Variants in FAM83A observed in about 807,000 individuals in gnomAD.
The protein encoded by FAM83A is scaffolding CK1 anchoring protein A.
FAM83A carries 21 observed loss-of-function variants against 24.4 expected under a neutral mutation model. That is an observed-to-expected ratio of 0.86 (90% CI 0.61 to 1.24). The LOEUF (loss-of-function observed/expected upper bound fraction) is 1.24, where lower values mean the gene tolerates loss of function less well. FAM83A is among the 50% of genes most tolerant of loss of function. The pLI is 0.00. For synonymous variants in FAM83A, 270 were observed against 252.4 expected (o/e 1.07, Z -0.66); for missense variants, 617 against 579.8 (o/e 1.06, Z -0.66).
At chr8:123,194,057 T>C (rs745743547) in exon 3 of FAM83A, 14 of 1,614,098 alleles carry the variant, frequency 8.7e-6, no homozygotes, top group Non-Finnish European at 1.1e-5. Context: ...AGGAGAGATA[T>C]ACTGTGCCAA....
chr8:123,198,461 C>T (rs118064871), intron 3 of FAM83A, among the ~76,000 whole-genome samples: 610 of 152,222 alleles, frequency 4.0e-3, no homozygotes, highest in Non-Finnish European at 6.2e-3. Flanking sequence ...CTTAAGCGAC[C>T]GGGAGGGATT....
At chr8:123,193,709 C>T (rs535761597) in intron 2 of FAM83A, among the ~76,000 whole-genome samples, 65 of 152,310 alleles carry the variant, frequency 4.3e-4, no homozygotes, top group Non-Finnish European at 7.4e-4. Flanking sequence ...CCAAGATCAA[C>T]GTTCTGGCAG....
intron 1 of FAM83A, among the ~76,000 whole-genome samples, chr8:123,187,000 C>G (rs926244892): frequency 1.3e-5 from 2 of 152,056 alleles, no homozygotes; most frequent in Non-Finnish European, 2.9e-5. Context: ...GGGCAACCCT[C>G]GGTGCCTGGA....
At chr8:123,182,330 A>T (rs943664315), upstream of FAM83A, 2 of 354,954 alleles carry the variant, frequency 5.6e-6, no homozygotes, top group Non-Finnish European at 1.1e-5. Context: ...CATCTCAGGG[A>T]TGGCATCTTT....
At chr8:123,181,840 C>G, upstream of FAM83A, 1 of 345,626 alleles carries the variant, frequency 2.9e-6, no homozygotes, top group Non-Finnish European at 5.8e-6. Flanking sequence ...GAATGATCTT[C>G]CGACCAACCA....
intron 3 of FAM83A, among the ~76,000 whole-genome samples, chr8:123,203,221 TAA>T (rs34707090): frequency 6.9e-6 from 1 of 144,308 alleles, no homozygotes. Flanking sequence ...ATACACACAT[TAA>T]AAAAAAAAAA....
chr8:123,194,827 C>T (rs1242509068), intron 3 of FAM83A, among the ~76,000 whole-genome samples: 1 of 152,154 alleles, frequency 6.6e-6, no homozygotes, highest in African/African-American at 2.4e-5. Flanking sequence ...AGCAACCCAC[C>T]AGCCTCAGCC....
At chr8:123,198,315 G>C (rs928985705) in intron 3 of FAM83A, among the ~76,000 whole-genome samples, 2 of 152,116 alleles carry the variant, frequency 1.3e-5, no homozygotes, top group Non-Finnish European at 2.9e-5. Context: ...CATTGCACAC[G>C]ACCATGGGGC....
At chr8:123,204,171 G>A (rs1285636552) in intron 3 of FAM83A, among the ~76,000 whole-genome samples, 3 of 151,890 alleles carry the variant, frequency 2.0e-5, no homozygotes, top group Non-Finnish European at 4.4e-5. Context: ...TCAGCACTTC[G>A]GGAGGCCAAG....
chr8:123,208,209 C>T, exon 4 of FAM83A: 1 of 986,510 alleles, frequency 1.0e-6, no homozygotes, highest in Non-Finnish European at 1.2e-6. Context: ...AACTCCTCCT[C>T]TTAGGAAAGG....
intron 3 of FAM83A, among the ~76,000 whole-genome samples, chr8:123,197,475 G>A (rs1334792826): frequency 2.6e-5 from 4 of 152,162 alleles, no homozygotes; most frequent in East Asian, 1.9e-4. Context: ...AGGCTCATCC[G>A]AGCTGTAGCG....
exon 4 of FAM83A, chr8:123,208,977 A>AG (rs1824649762): frequency 1.0e-6 from 1 of 985,870 alleles, no homozygotes; most frequent in African/African-American, 1.8e-5. Context: ...AAAAAAAAAA[A>AG]AAAAGAGAGA....
At chr8:123,206,888 G>A (rs1260472807) in intron 3 of FAM83A, among the ~76,000 whole-genome samples, 1 of 151,994 alleles carries the variant, frequency 6.6e-6, no homozygotes, top group Non-Finnish European at 1.5e-5. Context: ...CTTGGGGCCT[G>A]GGCCGGCGAA....
chr8:123,191,898 C>T (rs1156774560), exon 2 of FAM83A: 2 of 1,614,156 alleles, frequency 1.2e-6, no homozygotes, highest in Admixed American at 1.7e-5. Flanking sequence ...TTTGTGTGCT[C>T]CTGGACCAGG....
upstream of FAM83A, among the ~76,000 whole-genome samples, chr8:123,181,421 T>C (rs571431578): frequency 5.9e-5 from 9 of 152,108 alleles, no homozygotes; most frequent in Non-Finnish European, 1.3e-4. Context: ...CCTGATTTCT[T>C]GGTGTCGTCC....
At chr8:123,192,383 G>T (rs1323390142) in intron 2 of FAM83A, among the ~76,000 whole-genome samples, 2 of 152,200 alleles carry the variant, frequency 1.3e-5, no homozygotes, top group African/African-American at 4.8e-5. Context: ...CCCAGGGATT[G>T]CATCTTACAG....
chr8:123,182,725 C>T lies in FAM83A; in HGVS notation c.-132C>T, dbSNP rs1274683638. The stretch of plus-strand genomic sequence containing the variant: ...AATCACTTCTTGGAGGTGCCCTGCA[C>T]GCCGGTCCTGGGAGCAGGCGGCCTC... On this transcript the variant is annotated 5_prime_UTR_variant, in exon 1 of 4. The change creates a new upstream start codon in the 5' untranslated region. Transcript: ENST00000690554. 16 of 1,361,562 alleles carry T rather than the reference C, an allele frequency of 1.2e-5. No individual in the cohort carries two copies. Among genetic ancestry groups the T allele is most frequent in the South Asian group, 6.5e-5 (5 of 77,054 alleles). 84.3% of individuals were successfully genotyped at this position (1,361,562 alleles called of 1,614,324 possible).
exon 3 of FAM83A, chr8:123,194,059 C>T: frequency 6.2e-7 from 1 of 1,614,224 alleles, no homozygotes; most frequent in Non-Finnish European, 8.5e-7. Context: ...GAGAGATATA[C>T]TGTGCCAAGT....
intron 1 of FAM83A, among the ~76,000 whole-genome samples, chr8:123,186,275 G>A (rs1046703429): frequency 1.3e-5 from 2 of 152,108 alleles, no homozygotes; most frequent in Non-Finnish European, 2.9e-5. Flanking sequence ...ACCCCCCCAC[G>A]TGCAGGGACT....
Sources: gnomAD v4.1 joint callset for allele counts (sites outside exome capture counted in the v4.1 genomes callset) on GRCh38, gnomAD v4.1.1 for gene constraint, MANE v1.5 for transcripts, NCBI Gene and HGNC (gene_info 2026-07-23, HGNC 2026-07-21) for gene names.